ZNF804B: variants seen among roughly 807,000 people sequenced by gnomAD.
ZNF804B encodes the protein zinc finger 804B.
In ZNF804B, 80 loss-of-function variants were observed where a neutral mutation model predicts 101.4. The ratio of observed to expected loss-of-function variants is 0.79; its 90% CI spans 0.66 to 0.95. ZNF804B has a LOEUF of 0.95. Among genes scored for constraint, ZNF804B ranks in the 40% least tolerant of loss-of-function variants. The pLI is 0.00. For missense variants in ZNF804B, 1,673 were observed against 1,561.9 expected (o/e 1.07, Z -1.20); for synonymous variants, 622 against 558.8 (o/e 1.11, Z -1.59).
At chr7:88,943,133 T>C (rs1793078612) in intron 1 of ZNF804B, among the ~76,000 whole-genome samples, 1 of 151,954 alleles carries the variant, frequency 6.6e-6, no homozygotes, top group African/African-American at 2.4e-5. Flanking sequence ...TTCTCTCTGC[T>C]TAGCTTTCGT....
intron 1 of ZNF804B, among the ~76,000 whole-genome samples, chr7:88,863,328 G>A (rs1417558377): frequency 3.9e-5 from 6 of 152,100 alleles, no homozygotes; most frequent in African/African-American, 1.4e-4. Flanking sequence ...GAAAAAGCTG[G>A]TTGTCTTTGT....
At chr7:89,095,972 A>C (rs1456542146) in intron 1 of ZNF804B, among the ~76,000 whole-genome samples, 3 of 151,984 alleles carry the variant, frequency 2.0e-5, no homozygotes, top group African/African-American at 7.2e-5. Flanking sequence ...TAACATGGTG[A>C]AACCCCGTCT....
intron 1 of ZNF804B, among the ~76,000 whole-genome samples, chr7:88,782,623 A>G (rs1790247115): frequency 6.6e-6 from 1 of 152,188 alleles, no homozygotes; most frequent in Non-Finnish European, 1.5e-5. Flanking sequence ...TGCTTCTTGT[A>G]GAAACACACA....
rs148094542 is a variant in ZNF804B, at chr7:88,908,299, C to T, written c.108+148215C>T. On this transcript the variant is annotated intron_variant, in intron 1 of 3. Transcript: ENST00000333190. The stretch of plus-strand genomic sequence containing the variant: ...AAACGTAATGTGTATATGTGTTATA[C>T]TCTGGTTGTTTTTCTACTTGTTTGA... Among the ~76,000 whole-genome samples, 21 of 150,648 alleles carry T rather than the reference C, an allele frequency of 1.4e-4. 1 individual carries two copies. Among genetic ancestry groups the T allele is most frequent in the African/African-American group, 4.9e-4 (20 of 41,134 alleles).
intron 3 of ZNF804B, among the ~76,000 whole-genome samples, chr7:89,331,057 A>T (rs1331101138): frequency 6.6e-6 from 1 of 151,536 alleles, no homozygotes; most frequent in Non-Finnish European, 1.5e-5. Context: ...TAATAATGGA[A>T]TTGGGAAAGG....
At chr7:88,913,128 A>G (rs1192854600) in intron 1 of ZNF804B, among the ~76,000 whole-genome samples, 4 of 152,164 alleles carry the variant, frequency 2.6e-5, no homozygotes, top group Admixed American at 2.6e-4. Context: ...AGTGATATCT[A>G]GTGGGATTAC....
At chr7:89,294,538 A>C (rs1344682547) in intron 2 of ZNF804B, among the ~76,000 whole-genome samples, 3 of 151,694 alleles carry the variant, frequency 2.0e-5, no homozygotes, top group Non-Finnish European at 4.4e-5. Context: ...AATATGTCTA[A>C]TTGCTTTTAT....
intron 1 of ZNF804B, among the ~76,000 whole-genome samples, chr7:88,880,430 C>T (rs1038878903): frequency 3.3e-5 from 5 of 152,012 alleles, no homozygotes; most frequent in Admixed American, 2.6e-4. Context: ...TCTATTTTTT[C>T]CCAAAAACAC....
At chr7:89,057,083 G>A (rs1391593452) in intron 1 of ZNF804B, among the ~76,000 whole-genome samples, 4 of 151,058 alleles carry the variant, frequency 2.6e-5, no homozygotes, top group Non-Finnish European at 5.9e-5. Flanking sequence ...CTGGAATTTG[G>A]AGTCCAAAAA....
Position 89,333,439 on chromosome 7 carries a change from A to G in ZNF804B, c.457A>G (p.Ile153Val), listed in dbSNP as rs752449749. The change falls in exon 4 of 4, where the codon ATT (isoleucine) becomes GTT (valine). Residue 153 changes from isoleucine to valine, a missense_variant. Coordinates refer to ENST00000333190, the MANE Select transcript of ZNF804B (RefSeq NM_181646.5). ...GCAACTCCAGCAAGGAATTTTCCCC[A>G]TTAAGAATGGCAGAAAGGTATCATG... ...EKQLQQGIFP[I>V]KNGRKVSCMK... is the part of the protein sequence containing the mutation. The G allele has an allele frequency of 1.2e-6, 2 of 1,612,946 alleles. No homozygotes were observed. The highest frequency in any genetic ancestry group is 1.3e-5 in the African/African-American group (1 of 74,850).
intron 2 of ZNF804B, among the ~76,000 whole-genome samples, chr7:89,278,185 T>C (rs891612618): frequency 1.9e-4 from 29 of 151,698 alleles, no homozygotes; most frequent in Admixed American, 3.3e-4. Context: ...TTGCCCACTT[T>C]TTGATGGGGT....
At chr7:88,929,941 C>CA (rs933158397) in intron 1 of ZNF804B, among the ~76,000 whole-genome samples, 21 of 151,104 alleles carry the variant, frequency 1.4e-4, no homozygotes, top group African/African-American at 5.1e-4. Flanking sequence ...CTCGAACTTT[C>CA]AAAAAAAATG....
chr7:89,155,170 C>T (rs181369993), intron 1 of ZNF804B, among the ~76,000 whole-genome samples: 5 of 152,134 alleles, frequency 3.3e-5, no homozygotes, highest in African/African-American at 1.2e-4. Context: ...TCAGATTTCT[C>T]TCTTGGGGTT....
chr7:89,027,542 A>G lies in ZNF804B; in HGVS notation c.109-190613A>G, dbSNP rs188416690. Among the ~76,000 whole-genome samples the G allele has an allele frequency of 3.6e-4, 55 of 152,318 alleles. 1 individual carries two copies. In the East Asian group the frequency reaches 6.0e-3, roughly 17 times the overall value. On this transcript the variant is annotated intron_variant, in intron 1 of 3. Transcript: ENST00000333190. Reference sequence around the variant, plus strand: ...CATTTTATACTTTCAACATCTATTCAGTAAAACTACAGACACTTTTATGAG... The same window carrying G: ...CATTTTATACTTTCAACATCTATTCGGTAAAACTACAGACACTTTTATGAG...
intron 1 of ZNF804B, among the ~76,000 whole-genome samples, chr7:89,184,856 T>C (rs1181865807): frequency 1.4e-5 from 2 of 147,482 alleles, no homozygotes; most frequent in Admixed American, 6.8e-5. Flanking sequence ...GACAAAAACG[T>C]GTATATTCCT....
At chr7:88,815,636 T>C (rs2115745307) in intron 1 of ZNF804B, among the ~76,000 whole-genome samples, 1 of 152,174 alleles carries the variant, frequency 6.6e-6, no homozygotes, top group Non-Finnish European at 1.5e-5. Flanking sequence ...TCCTTCACCT[T>C]CTCAGGCTCT....
rs118103902 is a variant in ZNF804B at position 89,301,695 on chromosome 7, G to A, written c.250-25649G>A. On this transcript the variant is annotated intron_variant, in intron 2 of 3. Coordinates refer to ENST00000333190, the MANE Select transcript of ZNF804B (RefSeq NM_181646.5). ...TTCTACTACCCTTAGAGCTTGGAAT[G>A]AGAGTAATGCATAGTAGTTAAGAAA... 8.8e-3 allele frequency among the ~76,000 whole-genome samples: 1,337 copies of A among 151,928 alleles called. 16 individuals are homozygous for A. Among genetic ancestry groups the A allele is most frequent in the Non-Finnish European group, 9.5e-3 (648 of 67,876 alleles).
intron 2 of ZNF804B, among the ~76,000 whole-genome samples, chr7:89,287,327 C>T (rs888026298): frequency 6.6e-6 from 1 of 151,994 alleles, no homozygotes; most frequent in South Asian, 2.1e-4. Context: ...CATACACGTG[C>T]ACACACACGT....
intron 1 of ZNF804B, among the ~76,000 whole-genome samples, chr7:88,812,505 C>A (rs1790805448): frequency 6.6e-6 from 1 of 152,162 alleles, no homozygotes; most frequent in Non-Finnish European, 1.5e-5. Context: ...AACAATCCCA[C>A]TTCTAGGTAT....
Sources: gnomAD v4.1 joint callset for allele counts (sites outside exome capture counted in the v4.1 genomes callset) on GRCh38, gnomAD v4.1.1 for gene constraint, MANE v1.5 for transcripts, NCBI Gene and HGNC (gene_info 2026-07-23, HGNC 2026-07-21) for gene names.